COL4A6: variants seen among roughly 807,000 people sequenced by gnomAD.
The protein encoded by COL4A6 is collagen alpha-6(IV) chain.
In COL4A6, 59 loss-of-function variants were observed where a neutral mutation model predicts 126.7. The ratio of observed to expected loss-of-function variants is 0.47; its 90% CI spans 0.38 to 0.58. The LOEUF (loss-of-function observed/expected upper bound fraction) is 0.58, where lower values mean the gene tolerates loss of function less well. Ranked by LOEUF, COL4A6 falls within the 20% of genes least tolerant of loss-of-function variation. The pLI, the probability that COL4A6 is intolerant of heterozygous loss-of-function variation, is 0.00. For missense variants in COL4A6, 1,285 were observed against 1,337.3 expected (o/e 0.96, Z 0.61); for synonymous variants, 547 against 496.6 (o/e 1.10, Z -1.35).
chrX:108,155,796 A>C lies in COL4A6; in HGVS notation c.*1204T>G, dbSNP rs754439153. On this transcript the variant is annotated 3_prime_UTR_variant, in exon 45 of 45. Coordinates refer to ENST00000334504, the MANE Select transcript of COL4A6 (RefSeq NM_033641.4). ...ACTGCCTCATGTCAACATAGCTAAG[A>C]GTGTTCTGGAAAACTGGTAATTAAA... The C allele has an allele frequency of 8.9e-5, 10 of 111,827 alleles. No homozygotes were observed. Among genetic ancestry groups the C allele is most frequent in the Non-Finnish European group, 1.5e-4 (8 of 53,242 alleles). 9.2% of individuals were successfully genotyped at this position (111,827 alleles called of 1,213,427 possible).
intron 3 of COL4A6, among the ~76,000 whole-genome samples, chrX:108,244,106 C>A (rs2036649577): frequency 1.2e-5 from 1 of 80,851 alleles, no homozygotes; most frequent in Non-Finnish European, 2.5e-5. Flanking sequence ...CAGGTATGTT[C>A]ACCAATTTTT....
At chrX:108,214,812 G>T (rs934429567) in intron 5 of COL4A6, among the ~76,000 whole-genome samples, 2 of 112,581 alleles carry the variant, frequency 1.8e-5, no homozygotes, top group South Asian at 3.7e-4. Flanking sequence ...TCAGGCTATT[G>T]CTTCAGTTAG....
At chrX:108,354,706 A>G (rs2039921271) in intron 2 of COL4A6, among the ~76,000 whole-genome samples, 1 of 105,581 alleles carries the variant, frequency 9.5e-6, no homozygotes. Flanking sequence ...AACCTGTGCT[A>G]ATTTCCTGAA....
chrX:108,234,072 A>G (rs2148299518), intron 3 of COL4A6, among the ~76,000 whole-genome samples: 1 of 112,057 alleles, frequency 8.9e-6, no homozygotes, highest in South Asian at 3.8e-4. Context: ...TGGTGGCATC[A>G]GGTCTAAGAG....
intron 2 of COL4A6, among the ~76,000 whole-genome samples, chrX:108,395,371 C>T (rs1396693061): frequency 2.7e-5 from 3 of 111,374 alleles, no homozygotes; most frequent in Non-Finnish European, 5.7e-5. Context: ...CTGTGTATAC[C>T]GTGAAATGTG....
intron 2 of COL4A6, among the ~76,000 whole-genome samples, chrX:108,326,151 T>C (rs1459271904): frequency 8.9e-6 from 1 of 112,252 alleles, no homozygotes; most frequent in Non-Finnish European, 1.9e-5. Context: ...ATATAAAATA[T>C]AGCATGAAAT....
rs1339070879 is a variant in COL4A6, at chrX:108,397,753, G to A, written c.63+40189C>T. Among the ~76,000 whole-genome samples the A allele has an allele frequency of 3.6e-5, 4 of 111,484 alleles. No individual in the cohort carries two copies. In the Admixed American group the frequency reaches 3.8e-4, roughly 11 times the overall value. On this transcript the variant is annotated intron_variant, in intron 2 of 44. Transcript: ENST00000334504. ...CAGTTTTTACTGATTAGTTAGATCA[G>A]TCTCTGCCTACACATGTAGGTCCTT...
chrX:108,161,554 C>T (rs1373567533), intron 42 of COL4A6, 65 bp downstream of exon 42: 3 of 693,916 alleles, frequency 4.3e-6, no homozygotes, highest in Non-Finnish European at 6.5e-6. Context: ...TACTCACCCC[C>T]AGCCTCAAAC....
intron 23 of COL4A6, among the ~76,000 whole-genome samples, chrX:108,184,801 C>T (rs2034803299): frequency 8.9e-6 from 1 of 112,407 alleles, no homozygotes; most frequent in African/African-American, 3.2e-5. Flanking sequence ...TATCCAGGGA[C>T]TAGTGATGTT....
rs182095477 is a variant in COL4A6 at position 108,174,208 on chromosome X, G to A, written c.3138+232C>T. On this transcript the variant is annotated intron_variant, in intron 31 of 44. Coordinates refer to ENST00000334504, the MANE Select transcript of COL4A6 (RefSeq NM_033641.4). The stretch of plus-strand genomic sequence containing the variant: ...CAGGCAGATATTGGATAATTGTAAA[G>A]GCAAGAGAAGGCTCTGCCATTTCAG... Among the ~76,000 whole-genome samples the A allele has an allele frequency of 1.0e-3, 114 of 111,684 alleles. 5 individuals are homozygous for A. The East Asian group carries it at 0.031, about 31-fold the overall frequency.
At chrX:108,240,146 G>A (rs745464592) in intron 3 of COL4A6, among the ~76,000 whole-genome samples, 1 of 111,434 alleles carries the variant, frequency 9.0e-6, no homozygotes, top group Non-Finnish European at 1.9e-5. Flanking sequence ...GGGAGACTGA[G>A]GCAAGAGAAT....
At chrX:108,217,648 G>T (rs181674024) in intron 5 of COL4A6, among the ~76,000 whole-genome samples, 2 of 111,275 alleles carry the variant, frequency 1.8e-5, no homozygotes, top group Admixed American at 1.9e-4. Flanking sequence ...TTTGAGACGG[G>T]TACCAATGAC....
chrX:108,187,921 T>C lies in COL4A6; in HGVS notation c.1694A>G (p.Gln565Arg). Residue 565 changes from glutamine (Q) to arginine (R), a missense_variant, in exon 22 of 45, where the codon CAG becomes CGG. Physicochemically the swap from Gln to Arg is conservative, Grantham distance 43. Coordinates refer to ENST00000334504, the MANE Select transcript of COL4A6 (RefSeq NM_033641.4). ...MPGDRGDSGS[Q>R]GFRGVIGEPG... Reference sequence around the variant, plus strand: ...TTCTCCTATTACACCACGGAAGCCCTGGGAGCCAGAATCACCCCGATCTCC... The same window carrying C: ...TTCTCCTATTACACCACGGAAGCCCCGGGAGCCAGAATCACCCCGATCTCC... 8.3e-7 allele frequency: 1 copy of C among 1,210,274 alleles called. No individual in the cohort carries two copies. The highest frequency in any genetic ancestry group is 1.1e-6 in the Non-Finnish European group (1 of 894,665).
intron 3 of COL4A6, among the ~76,000 whole-genome samples, chrX:108,288,814 G>A (rs187189873): frequency 3.9e-4 from 43 of 110,806 alleles, no homozygotes; most frequent in African/African-American, 1.1e-3. Flanking sequence ...TATATTGGGC[G>A]CCACCCTAAC....
intron 3 of COL4A6, among the ~76,000 whole-genome samples, chrX:108,235,419 C>A (rs973903672): frequency 9.0e-6 from 1 of 111,426 alleles, no homozygotes; most frequent in Admixed American, 9.5e-5. Context: ...GAGAGAGCAA[C>A]CTGAGGATTC....
At chrX:108,329,882 T>A (rs764825628) in intron 2 of COL4A6, among the ~76,000 whole-genome samples, 1 of 111,186 alleles carries the variant, frequency 9.0e-6, no homozygotes, top group South Asian at 3.8e-4. Flanking sequence ...CTCTTTCAGC[T>A]TGAGCAACAG....
intron 23 of COL4A6, among the ~76,000 whole-genome samples, chrX:108,185,157 C>T (rs778102043): frequency 9.0e-6 from 1 of 110,980 alleles, no homozygotes; most frequent in South Asian, 3.9e-4. Flanking sequence ...TTTGAGAGGC[C>T]AACGCGGGTG....
intron 3 of COL4A6, among the ~76,000 whole-genome samples, chrX:108,246,229 G>A (rs2036715329): frequency 9.0e-6 from 1 of 111,719 alleles, no homozygotes; most frequent in Non-Finnish European, 1.9e-5. Context: ...TTCAATATGC[G>A]ATTAACAATA....
chrX:108,217,352 C>T (rs1270834701), intron 5 of COL4A6, among the ~76,000 whole-genome samples: 1 of 111,529 alleles, frequency 9.0e-6, no homozygotes, highest in Non-Finnish European at 1.9e-5. Flanking sequence ...GAAAGTTGAA[C>T]AAAATAATCA....
Sources: gnomAD v4.1 joint callset for allele counts (sites outside exome capture counted in the v4.1 genomes callset) on GRCh38, gnomAD v4.1.1 for gene constraint, MANE v1.5 for transcripts, NCBI Gene and HGNC (gene_info 2026-07-23, HGNC 2026-07-21) for gene names.